The following ARMC2 variants were observed in gnomAD, a reference collection of about 807,000 sequenced individuals.
ARMC2 encodes armadillo repeat-containing protein 2.
ARMC2 carries 67 observed loss-of-function variants against 90.3 expected under a neutral mutation model. That is an observed-to-expected ratio of 0.74 (90% CI 0.61 to 0.91). The LOEUF (loss-of-function observed/expected upper bound fraction) is 0.91, where lower values mean the gene tolerates loss of function less well. ARMC2 is among the 40% of genes least tolerant of loss of function. The pLI, the probability that ARMC2 is intolerant of heterozygous loss-of-function variation, is 0.00. For synonymous variants in ARMC2, 393 were observed against 393.0 expected (o/e 1.00, Z 0.00); for missense variants, 920 against 1,030.9 (o/e 0.89, Z 1.47).
intron 8 of ARMC2, among the ~76,000 whole-genome samples, chr6:108,906,137 T>C (rs1279227385): frequency 6.6e-6 from 1 of 152,206 alleles, no homozygotes; most frequent in Non-Finnish European, 1.5e-5. Flanking sequence ...TCATCTTAAT[T>C]TTAATCTTTG....
intron 12 of ARMC2, among the ~76,000 whole-genome samples, chr6:108,938,893 C>T (rs1458750858): frequency 6.6e-6 from 1 of 152,070 alleles, no homozygotes; most frequent in African/African-American, 2.4e-5. Context: ...CAACAAAAAT[C>T]CTGGTACCTC....
chr6:108,911,782 G>T (rs750045291), intron 9 of ARMC2, among the ~76,000 whole-genome samples: 1 of 152,016 alleles, frequency 6.6e-6, no homozygotes, highest in Non-Finnish European at 1.5e-5. Flanking sequence ...CATTATTAAC[G>T]TTATTGGATT....
chr6:108,961,311 G>C (rs1031543740), intron 13 of ARMC2, among the ~76,000 whole-genome samples: 5 of 152,204 alleles, frequency 3.3e-5, no homozygotes, highest in African/African-American at 4.8e-5. Context: ...AGATCAGCTG[G>C]ACTTTTCCAG....
intron 13 of ARMC2, among the ~76,000 whole-genome samples, chr6:108,960,438 G>A (rs1051904753): frequency 2.0e-5 from 3 of 152,206 alleles, no homozygotes; most frequent in Non-Finnish European, 2.9e-5. Flanking sequence ...ACCACTAAGG[G>A]CCTTATGTGC....
the ARMC2 span, among the ~76,000 whole-genome samples, chr6:108,979,687 G>A: frequency 4.8e-4 from 73 of 151,794 alleles, no homozygotes; most frequent in Non-Finnish European, 8.5e-4. Context: ...GGCTTTGTTC[G>A]TTTCTTTTCA....
At chr6:109,009,036 C>A in the ARMC2 span, 1 of 984,816 alleles carries the variant, frequency 1.0e-6, no homozygotes, top group African/African-American at 1.7e-5. Context: ...GGAGACTTGT[C>A]CAGACGACAA....
chr6:108,900,577 G>A (rs1772030994), intron 7 of ARMC2, among the ~76,000 whole-genome samples: 1 of 152,178 alleles, frequency 6.6e-6, no homozygotes, highest in Non-Finnish European at 1.5e-5. Flanking sequence ...TCTAAGAGAA[G>A]CAGGGTAAAT....
At chr6:108,882,438 CA>C (rs61688419) in intron 5 of ARMC2, among the ~76,000 whole-genome samples, 99,150 of 126,380 alleles carry the variant, frequency 0.78, 37,652 homozygotes, top group South Asian at 0.84. Context: ...GACTCCCTCT[CA>C]AAAAAAAAAA....
chr6:108,852,400 G>A (rs1391061638), intron 1 of ARMC2, among the ~76,000 whole-genome samples: 3 of 152,148 alleles, frequency 2.0e-5, no homozygotes, highest in Non-Finnish European at 4.4e-5. Context: ...AGAAAATTGT[G>A]TTAGAATTTT....
chr6:109,012,266 G>C, the ARMC2 span, among the ~76,000 whole-genome samples: 3 of 148,494 alleles, frequency 2.0e-5, no homozygotes, highest in East Asian at 5.9e-4. Context: ...TTTTTGAGAC[G>C]GAGTCTCGCT....
chr6:108,970,800 TATTTTCTATACAACAGAATTC>T (rs1402769160), intron 17 of ARMC2, among the ~76,000 whole-genome samples: 1 of 152,190 alleles, frequency 6.6e-6, no homozygotes, highest in Non-Finnish European at 1.5e-5. Flanking sequence ...ACCCAGAATT[TATTTTCTATACAACAGAATTC>T]ATTTTCTATA....
intron 12 of ARMC2, 80 bp from the exon 13 acceptor site, chr6:108,952,953 A>T: frequency 7.6e-7 from 1 of 1,313,398 alleles, no homozygotes; most frequent in Non-Finnish European, 1.0e-6. Flanking sequence ...GCAATTGTGA[A>T]TAAATTAAAT....
chr6:109,029,011 G>A, the ARMC2 span, among the ~76,000 whole-genome samples: 1 of 152,124 alleles, frequency 6.6e-6, no homozygotes, highest in Non-Finnish European at 1.5e-5. Context: ...CACTTCATAA[G>A]TATAAAATTC....
chr6:108,879,592 G>A (rs1056971531), intron 5 of ARMC2, among the ~76,000 whole-genome samples: 3 of 113,410 alleles, frequency 2.6e-5, no homozygotes, highest in African/African-American at 6.7e-5. Flanking sequence ...CCACCTGTTC[G>A]TCCATCCATC....
intron 13 of ARMC2, among the ~76,000 whole-genome samples, chr6:108,954,759 A>AACTCAAG (rs1374186771): frequency 2.0e-5 from 3 of 152,216 alleles, no homozygotes; most frequent in Admixed American, 1.3e-4. Flanking sequence ...CCCACTAGTC[A>AACTCAAG]ACTCAAGAGC....
Position 108,904,249 on chromosome 6 carries a change from T to G in ARMC2, c.867T>G (p.Val289=). 1 of 1,613,704 alleles carries G rather than the reference T, an allele frequency of 6.2e-7. No homozygotes were observed. Among genetic ancestry groups the G allele is most frequent in the Non-Finnish European group, 8.5e-7 (1 of 1,179,790 alleles). Residue 289 remains valine (V), a synonymous_variant, in exon 8 of 18, where the codon GTT becomes GTG. Coordinates refer to ENST00000392644, the MANE Select transcript of ARMC2 (RefSeq NM_032131.6). ...TGACAGAAGAAAACATTGAAACGGT[T>G]TGTGCTGCTTGCACACAACTTCATC... ...ELEKEENIET[V]CAACTQLHHA...
chr6:108,949,560 AT>A (rs1242795173), intron 12 of ARMC2, among the ~76,000 whole-genome samples: 1 of 152,232 alleles, frequency 6.6e-6, no homozygotes, highest in East Asian at 1.9e-4. Context: ...AGCTTAGAAA[AT>A]ATCAGATGAA....
intron 3 of ARMC2, 21 bp downstream of exon 3, chr6:108,858,292 C>A: frequency 6.4e-7 from 1 of 1,561,088 alleles, no homozygotes. Flanking sequence ...TGTATAACCA[C>A]CAGTAATTTA....
At chr6:109,045,199 T>G in the ARMC2 span, among the ~76,000 whole-genome samples, 1 of 152,128 alleles carries the variant, frequency 6.6e-6, no homozygotes, top group African/African-American at 2.4e-5. Context: ...TCTTGTCAAG[T>G]TCTGAATATT....
Sources: allele counts gnomAD v4.1 joint callset (sites outside exome capture counted in the v4.1 genomes callset), GRCh38; gene constraint gnomAD v4.1.1; transcripts MANE v1.5; gene names NCBI Gene and HGNC (gene_info 2026-07-23, HGNC 2026-07-21).